The following AGBL4 variants were observed in gnomAD, a reference collection of about 807,000 sequenced individuals.
The protein encoded by AGBL4 is cytosolic carboxypeptidase 6.
AGBL4 carries 58 observed loss-of-function variants against 66.4 expected under a neutral mutation model. That is an observed-to-expected ratio of 0.87 (90% CI 0.71 to 1.09). The LOEUF (loss-of-function observed/expected upper bound fraction) is 1.09, where lower values mean the gene tolerates loss of function less well. Ranked by LOEUF, AGBL4 falls within the 50% of genes least tolerant of loss-of-function variation. AGBL4 has a pLI of 0.00. For missense variants in AGBL4, 579 were observed against 631.0 expected, an observed-to-expected ratio of 0.92 and a Z score of 0.88; for synonymous variants, 234 against 222.9, an observed-to-expected ratio of 1.05 and a Z score of -0.44.
intron 4 of AGBL4, among the ~76,000 whole-genome samples, chr1:49,076,919 T>C (rs1402124631): frequency 1.3e-5 from 2 of 152,198 alleles, no homozygotes; most frequent in Non-Finnish European, 2.9e-5. Flanking sequence ...ATGCTGGCTA[T>C]TAGTGCTCTC....
At chr1:49,962,373 C>G (rs1240916722) in intron 1 of AGBL4, among the ~76,000 whole-genome samples, 3 of 152,128 alleles carry the variant, frequency 2.0e-5, no homozygotes, top group Admixed American at 6.6e-5. Flanking sequence ...ATTCCAGTAA[C>G]AGCAGCTTAC....
intron 5 of AGBL4, among the ~76,000 whole-genome samples, chr1:48,989,585 G>A (rs1468378259): frequency 6.6e-6 from 1 of 151,952 alleles, no homozygotes; most frequent in Non-Finnish European, 1.5e-5. Context: ...GAGTTCAATT[G>A]TTTTAATTTT....
At chr1:48,745,209 G>T (rs1650554688) in intron 6 of AGBL4, among the ~76,000 whole-genome samples, 1 of 152,190 alleles carries the variant, frequency 6.6e-6, no homozygotes. Context: ...AATGGGCTGG[G>T]AGAAAGATTC....
chr1:49,242,863 T>C (rs1464638164), intron 4 of AGBL4, among the ~76,000 whole-genome samples: 2 of 151,804 alleles, frequency 1.3e-5, no homozygotes, highest in Non-Finnish European at 2.9e-5. Flanking sequence ...GGTTTTCCAG[T>C]TGTATCTTGT....
intron 2 of AGBL4, among the ~76,000 whole-genome samples, chr1:49,753,354 C>A (rs1260464804): frequency 6.6e-6 from 1 of 152,198 alleles, no homozygotes; most frequent in Non-Finnish European, 1.5e-5. Flanking sequence ...ATGTGAAATT[C>A]TGGGTTGAAA....
At chr1:49,115,246 G>T (rs1645493642) in intron 4 of AGBL4, among the ~76,000 whole-genome samples, 1 of 152,196 alleles carries the variant, frequency 6.6e-6, no homozygotes, top group African/African-American at 2.4e-5. Flanking sequence ...TGATTTTACA[G>T]ATGGGAACTT....
At chr1:49,197,871 C>T (rs951321512) in intron 4 of AGBL4, among the ~76,000 whole-genome samples, 3 of 152,090 alleles carry the variant, frequency 2.0e-5, no homozygotes, top group African/African-American at 4.8e-5. Flanking sequence ...TGTGGGAGCC[C>T]CTCCCCCATT....
chr1:48,741,209 T>C (rs188893884), intron 6 of AGBL4, among the ~76,000 whole-genome samples: 2 of 152,376 alleles, frequency 1.3e-5, no homozygotes, highest in East Asian at 1.9e-4. Context: ...AAACATAGCA[T>C]AGTCCTATCT....
Position 49,732,346 on chromosome 1 carries a change from A to T in AGBL4, c.158-34909T>A, listed in dbSNP as rs183059517. ...GAAACCCAGAGAATAATTGAAAAGA[A>T]CCTAAACTACAAAAATTATACAAAA... On this transcript the variant is annotated intron_variant, in intron 2 of 13. Transcript: ENST00000371839. Among the ~76,000 whole-genome samples the T allele has an allele frequency of 1.7e-3, 252 of 152,324 alleles. 1 individual carries two copies. Among genetic ancestry groups the T allele is most frequent in the Middle Eastern group, 0.01 (3 of 294 alleles).
At chr1:49,869,532 G>A (rs551828531) in intron 1 of AGBL4, among the ~76,000 whole-genome samples, 3 of 152,292 alleles carry the variant, frequency 2.0e-5, no homozygotes, top group Admixed American at 2.0e-4. Flanking sequence ...CTTACAAGTG[G>A]AAGCTGAACA....
At chr1:48,577,779 C>T (rs1644677322) in intron 11 of AGBL4, among the ~76,000 whole-genome samples, 1 of 152,040 alleles carries the variant, frequency 6.6e-6, no homozygotes, top group African/African-American at 2.4e-5. Flanking sequence ...GGACGCTGAT[C>T]AGAGAGAGGG....
intron 5 of AGBL4, among the ~76,000 whole-genome samples, chr1:49,019,907 G>T (rs1166766422): frequency 6.6e-6 from 1 of 152,174 alleles, no homozygotes; most frequent in Admixed American, 6.5e-5. Flanking sequence ...AATGGACAGA[G>T]TAAGGGCGCA....
intron 6 of AGBL4, among the ~76,000 whole-genome samples, chr1:48,669,163 T>TG (rs1169857741): frequency 6.6e-6 from 1 of 152,202 alleles, no homozygotes; most frequent in Non-Finnish European, 1.5e-5. Flanking sequence ...TGTGAGACCT[T>TG]GGGCCAATTA....
At chr1:49,007,533 A>G (rs1169960810) in intron 5 of AGBL4, among the ~76,000 whole-genome samples, 1 of 149,358 alleles carries the variant, frequency 6.7e-6, no homozygotes, top group Admixed American at 6.7e-5. Flanking sequence ...AGAACGCCAC[A>G]AAGATACTCC....
chr1:48,899,912 T>C (rs1651920785), intron 5 of AGBL4, among the ~76,000 whole-genome samples: 1 of 152,164 alleles, frequency 6.6e-6, no homozygotes, highest in South Asian at 2.1e-4. Flanking sequence ...CTTTAATAAG[T>C]ATCATGAAGA....
At chr1:49,996,831 T>C (rs1386413344) in intron 1 of AGBL4, among the ~76,000 whole-genome samples, 1 of 152,062 alleles carries the variant, frequency 6.6e-6, no homozygotes, top group East Asian at 1.9e-4. Context: ...AGGGAAACTA[T>C]AAAGGAAAAC....
At chr1:48,807,058 C>T (rs981398747) in intron 6 of AGBL4, among the ~76,000 whole-genome samples, 2 of 152,220 alleles carry the variant, frequency 1.3e-5, no homozygotes, top group African/African-American at 2.4e-5. Context: ...CCACTTGCCA[C>T]GTCTCTTCAA....
At chr1:48,949,520 G>A (rs1056833214) in intron 5 of AGBL4, among the ~76,000 whole-genome samples, 3 of 152,192 alleles carry the variant, frequency 2.0e-5, no homozygotes, top group African/African-American at 7.2e-5. Context: ...TGTGATGGCT[G>A]CCTTTGAACA....
At chr1:48,905,107 G>A (rs1428838582) in intron 5 of AGBL4, among the ~76,000 whole-genome samples, 3 of 152,166 alleles carry the variant, frequency 2.0e-5, no homozygotes, top group African/African-American at 4.8e-5. Flanking sequence ...GGTAACTAAC[G>A]AGGAATCTTT....
Sources: allele counts gnomAD v4.1 joint callset (sites outside exome capture counted in the v4.1 genomes callset), GRCh38; gene constraint gnomAD v4.1.1; transcripts MANE v1.5; gene names NCBI Gene and HGNC (gene_info 2026-07-23, HGNC 2026-07-21).